The following RPS4X variants were observed in gnomAD, a reference collection of about 807,000 sequenced individuals.
RPS4X encodes small ribosomal subunit protein eS4, X isoform.
For missense variants in RPS4X, 90 were observed against 219.1 expected (o/e 0.41, Z 3.72); for synonymous variants, 76 against 76.8 (o/e 0.99, Z 0.06).
In RPS4X at chrX:72,272,432, G is replaced by A; in HGVS notation, c.*239C>T. ...GATTTCTTGGCTCTTTCTACTCCTTGGTTAGTTGCTGTTCCTTTCCCAAGT... is the reference window on the plus strand; with the variant it reads ...GATTTCTTGGCTCTTTCTACTCCTTAGTTAGTTGCTGTTCCTTTCCCAAGT... On this transcript the variant is annotated 3_prime_UTR_variant, in exon 7 of 7. Transcript: ENST00000316084. The A allele has an allele frequency of 3.0e-6, 1 of 329,309 alleles. No homozygotes were observed. Among genetic ancestry groups the A allele is most frequent in the Non-Finnish European group, 5.3e-6 (1 of 189,221 alleles). 27.1% of individuals were successfully genotyped at this position (329,309 alleles called of 1,213,427 possible). A position where few individuals can be genotyped will look rare whatever the true frequency, so the allele number is the denominator to read the frequency against.
At position 72,275,727 on chromosome X, in the gene RPS4X, G is replaced by GTA; in HGVS notation, c.82-5_82-4dup. 1 of 1,184,180 alleles carries GTA rather than the reference G, an allele frequency of 8.4e-7. No individual in the cohort carries two copies. The highest frequency in any genetic ancestry group is 1.1e-6 in the Non-Finnish European group (1 of 878,820). On this transcript the variant is annotated splice_polypyrimidine_tract_variant and splice_region_variant and intron_variant, in intron 2 of 6. Transcript: ENST00000316084. ...GGACCGGTGGATGGACGAGGAGCCT[G>GTA]TAACGTTAAAAATGATAATCACTGT... is the stretch of plus-strand genomic sequence containing the variant.
chrX:72,277,044 C>T (rs1355093414), intron 1 of RPS4X, 149 bp downstream of exon 1: 5 of 672,231 alleles, frequency 7.4e-6, no homozygotes, highest in Non-Finnish European at 6.7e-6. Flanking sequence ...GCCCTTCGCC[C>T]TGGAGCCCGT....
In RPS4X at chrX:72,272,640, A is replaced by C; in HGVS notation, c.*31T>G. 1 of 1,004,829 alleles carries C rather than the reference A, an allele frequency of 1.0e-6. No individual in the cohort carries two copies. Among genetic ancestry groups the C allele is most frequent in the Non-Finnish European group, 1.4e-6 (1 of 720,046 alleles). 82.8% of individuals were successfully genotyped at this position (1,004,829 alleles called of 1,213,427 possible). On this transcript the variant is annotated 3_prime_UTR_variant, in exon 7 of 7. Transcript: ENST00000316084. The stretch of plus-strand genomic sequence containing the variant: ...TGCCACAATATTTTTAATTACGTAC[A>C]AAGATCTGACATGTCACCCAGGGAC...
chrX:72,277,144 G>T, intron 1 of RPS4X, 49 bp downstream of exon 1: 1 of 1,204,953 alleles, frequency 8.3e-7, no homozygotes. Context: ...CCGGCCGGGG[G>T]AGGATGGAGG....
At chrX:72,275,407 G>C (rs1489927598) in intron 3 of RPS4X, 137 bp downstream of exon 3, 2 of 516,802 alleles carry the variant, frequency 3.9e-6, no homozygotes, top group Non-Finnish European at 6.4e-6. Context: ...TTTTATTTAA[G>C]TAAAAAACAG....
chrX:72,277,183 A>C lies in RPS4X; in HGVS notation c.3+10T>G. The C allele has an allele frequency of 8.3e-7, 1 of 1,210,172 alleles. No homozygotes were observed. Among genetic ancestry groups the C allele is most frequent in the Non-Finnish European group, 1.1e-6 (1 of 894,461 alleles). ...ATACGTCCTAAGAGCTCGCTAACTA[A>C]ACGGCTTACCATGGCTGCGTTAGGC... is the stretch of plus-strand genomic sequence containing the variant. On this transcript the variant is annotated intron_variant, in intron 1 of 6. Transcript: ENST00000316084.
chrX:72,274,576 T>C, intron 4 of RPS4X: 2 of 295,707 alleles, frequency 6.8e-6, no homozygotes, highest in Non-Finnish European at 1.3e-5. Context: ...AATCTTTTTT[T>C]AAACCTCAAA....
chrX:72,275,473 G>T, intron 3 of RPS4X, 71 bp downstream of exon 3: 3 of 860,268 alleles, frequency 3.5e-6, no homozygotes, highest in African/African-American at 2.0e-5. Context: ...TTAGAAAAAT[G>T]ATCAAGACAG....
At chrX:72,274,256 C>T (rs2043192843) in intron 4 of RPS4X, 2 of 363,786 alleles carry the variant, frequency 5.5e-6, no homozygotes, top group East Asian at 1.1e-4. Context: ...ATCTTAATGG[C>T]TCCCTGTACA....
At position 72,272,572 on chromosome X, in the gene RPS4X, T is replaced by C; in HGVS notation, c.*99A>G. 5.7e-6 allele frequency: 3 copies of C among 530,885 alleles called. No individual in the cohort carries two copies. Among genetic ancestry groups the C allele is most frequent in the South Asian group, 3.2e-5 (1 of 31,610 alleles). 43.8% of individuals were successfully genotyped at this position (530,885 alleles called of 1,213,427 possible). ...TACAGTAAAATAGCAGGAAACTGAA[T>C]TAAAAAAAAAAACAACCCACAAAAC... On this transcript the variant is annotated 3_prime_UTR_variant, in exon 7 of 7. Transcript: ENST00000316084.
Position 72,273,794 on chromosome X carries a change from T to C in RPS4X, c.532+7A>G, listed in dbSNP as rs189727729. On this transcript the variant is annotated splice_region_variant and intron_variant, in intron 5 of 6. Transcript: ENST00000316084. Reference sequence around the variant, plus strand: ...GAGGGTGCCCAGGTAGCACAGAGGATGCTTACCAGTGTCGAACTTGATGAA... The same window carrying C: ...GAGGGTGCCCAGGTAGCACAGAGGACGCTTACCAGTGTCGAACTTGATGAA... 1.2e-5 allele frequency: 15 copies of C among 1,201,936 alleles called. No individual in the cohort carries two copies. Among genetic ancestry groups the C allele is most frequent in the Non-Finnish European group, 1.6e-5 (14 of 888,657 alleles).
At chrX:72,277,051 C>A (rs2043208050) in intron 1 of RPS4X, 142 bp downstream of exon 1, 1 of 698,713 alleles carries the variant, frequency 1.4e-6, no homozygotes, top group Non-Finnish European at 2.1e-6. Context: ...GCCCTGGAGC[C>A]CGTCCCGGCC....
intron 1 of RPS4X, 150 bp downstream of exon 1, chrX:72,277,043 C>G (rs748315519): frequency 5.8e-4 from 385 of 660,462 alleles, no homozygotes; most frequent in Non-Finnish European, 8.4e-4. Context: ...CGCCCTTCGC[C>G]CTGGAGCCCG....
At chrX:72,274,619 C>T (rs2043194460) in intron 4 of RPS4X, 4 of 254,307 alleles carry the variant, frequency 1.6e-5, no homozygotes, top group South Asian at 1.3e-4. Context: ...TTTCCTCCAT[C>T]GACACCTTCC....
rs757217550 is a variant in RPS4X, at chrX:72,272,905, T to C, written c.691-133A>G. 1.2e-4 allele frequency: 56 copies of C among 486,692 alleles called. No homozygotes were observed. The East Asian group carries it at 1.3e-3, about 12-fold the overall frequency. The allele number at this position is 486,692 out of a possible 1,213,427, so 40.1% of individuals were successfully genotyped here. On this transcript the variant is annotated intron_variant, in intron 6 of 6. Transcript: ENST00000316084. ...AGAGTGCTTGGCATCAGCTAGGCAG[T>C]TGCAAGACACAGATGCTGGTTACCA...
chrX:72,276,818 G>C (rs767027164), intron 1 of RPS4X, among the ~76,000 whole-genome samples: 1 of 112,674 alleles, frequency 8.9e-6, no homozygotes, highest in East Asian at 2.8e-4. Flanking sequence ...GTCAGGCCGT[G>C]CCAAAAAGGC....
Position 72,272,115 on chromosome X carries a change from AGCTG to A in RPS4X, c.*552_*555del, listed in dbSNP as rs1317010639. On this transcript the variant is annotated 3_prime_UTR_variant, in exon 7 of 7. Coordinates refer to ENST00000316084, the MANE Select transcript of RPS4X (RefSeq NM_001007.5). ...AAACAGAGTTGAGGACTGCAGCGGC[AGCTG>A]GAGAATAAGGGCACTAAGTCCAAGG... 1.3e-4 allele frequency: 15 copies of A among 112,649 alleles called. No individual in the cohort carries two copies. The highest frequency in any genetic ancestry group is 4.8e-4 in the African/African-American group (15 of 31,045). The allele number at this position is 112,649 out of a possible 1,213,427, so 9.3% of individuals were successfully genotyped here.
At chrX:72,273,471 C>A (rs1269312341) in intron 5 of RPS4X, 82 bp from the exon 6 acceptor site, 2 of 898,935 alleles carry the variant, frequency 2.2e-6, no homozygotes, top group East Asian at 3.3e-5. Flanking sequence ...AAATTTTATT[C>A]CTCCTTTCCC....
chrX:72,272,889 G>A, intron 6 of RPS4X, 117 bp from the exon 7 acceptor site: 1 of 525,070 alleles, frequency 1.9e-6, no homozygotes. Flanking sequence ...GAGAGTGCTT[G>A]GCATCAGCTA....
Sources: allele counts gnomAD v4.1 joint callset (sites outside exome capture counted in the v4.1 genomes callset), GRCh38; gene constraint gnomAD v4.1.1; transcripts MANE v1.5; gene names NCBI Gene and HGNC (gene_info 2026-07-23, HGNC 2026-07-21).